Variants in PCDH19 observed in about 807,000 individuals in gnomAD.
The protein encoded by PCDH19 is protocadherin-19.
PCDH19 carries 6 observed loss-of-function variants against 46.2 expected under a neutral mutation model. That is an observed-to-expected ratio of 0.13 (90% CI 0.07 to 0.26). PCDH19 has a LOEUF of 0.26. Among genes scored for constraint, PCDH19 ranks in the 10% least tolerant of loss-of-function variants. The pLI, the probability that PCDH19 is intolerant of heterozygous loss-of-function variation, is 1.00. For missense variants in PCDH19, 740 were observed against 972.3 expected, an observed-to-expected ratio of 0.76 and a Z score of 3.18; for synonymous variants, 481 against 415.7, an observed-to-expected ratio of 1.16 and a Z score of -1.91.
chrX:100,325,663 C>T (rs1412399193), intron 5 of PCDH19, among the ~76,000 whole-genome samples: 12 of 112,157 alleles, frequency 1.1e-4, no homozygotes, highest in Non-Finnish European at 2.1e-4. Context: ...CCACCGCGCC[C>T]GGCCAGGACT....
intron 5 of PCDH19, among the ~76,000 whole-genome samples, chrX:100,333,183 G>GAGAGAGAAAGAAAGAAAGAA (rs1489789460): frequency 2.3e-5 from 1 of 43,469 alleles, no homozygotes; most frequent in Non-Finnish European, 4.5e-5. Context: ...GGGAGAGAGA[G>GAGAGAGAAAGAAAGAAAGAA]AGAAAGAAAG....
At chrX:100,326,423 C>A (rs913943602) in intron 5 of PCDH19, among the ~76,000 whole-genome samples, 2 of 111,457 alleles carry the variant, frequency 1.8e-5, no homozygotes, top group African/African-American at 6.5e-5. Context: ...AAAAATGCAT[C>A]CCCTCATTTA....
intron 3 of PCDH19, among the ~76,000 whole-genome samples, chrX:100,353,459 T>C (rs184531520): frequency 8.1e-4 from 91 of 112,009 alleles, no homozygotes; most frequent in African/African-American, 2.8e-3. Context: ...CCTCCAGGCA[T>C]GGTGCCAGAG....
intron 3 of PCDH19, among the ~76,000 whole-genome samples, chrX:100,396,851 G>T (rs1474255485): frequency 9.0e-6 from 1 of 111,729 alleles, no homozygotes; most frequent in African/African-American, 3.3e-5. Flanking sequence ...CTTGATTTTT[G>T]AAGAAAACTG....
In PCDH19 at chrX:100,404,065, G is replaced by T. The variant is rs564639278; in HGVS notation, c.2148-401C>A. On this transcript the variant is annotated intron_variant, in intron 1 of 5. Coordinates refer to ENST00000373034, the MANE Select transcript of PCDH19 (RefSeq NM_001184880.2). ...TCAAGCAGCAATTGCAGATCATCTC[G>T]CAAGTCTCATAAATGAATGCATTTC... 1.2e-4 allele frequency among the ~76,000 whole-genome samples: 13 copies of T among 111,949 alleles called. No individual in the cohort carries two copies. In the South Asian group the frequency reaches 4.2e-3, roughly 36 times the overall value.
intron 5 of PCDH19, among the ~76,000 whole-genome samples, chrX:100,330,380 T>C (rs961094386): frequency 1.8e-5 from 2 of 111,853 alleles, no homozygotes; most frequent in African/African-American, 6.5e-5. Flanking sequence ...AAGTTAAGGA[T>C]AGAAAAGGAG....
intron 3 of PCDH19, among the ~76,000 whole-genome samples, chrX:100,401,970 T>A (rs1398606729): frequency 8.9e-6 from 1 of 112,371 alleles, no homozygotes; most frequent in African/African-American, 3.2e-5. Context: ...CTAGAACTGC[T>A]AAGAAATGGC....
rs1420058430 is a variant in PCDH19, at chrX:100,294,064, T to C, written c.*2213A>G. On this transcript the variant is annotated 3_prime_UTR_variant, in exon 6 of 6. Transcript: ENST00000373034. ...GCTAATAACATAATATCAGGATGGA[T>C]CAGGGTGAGAAACAGTCTAAATTCT... The C allele has an allele frequency of 1.8e-5, 2 of 111,927 alleles. No homozygotes were observed. Among genetic ancestry groups the C allele is most frequent in the Non-Finnish European group, 3.8e-5 (2 of 53,231 alleles). 9.2% of individuals were successfully genotyped at this position (111,927 alleles called of 1,213,427 possible). A position where few individuals can be genotyped will look rare whatever the true frequency, so the allele number is the denominator to read the frequency against.
chrX:100,300,392 G>A (rs1924737157), intron 5 of PCDH19, among the ~76,000 whole-genome samples: 1 of 112,039 alleles, frequency 8.9e-6, no homozygotes, highest in Admixed American at 9.5e-5. Flanking sequence ...CCATTTTGTA[G>A]CATCACAAAC....
Position 100,408,780 on chromosome X carries a change from A to G in PCDH19, c.-183T>C, listed in dbSNP as rs984644870. ...GCGGGGGACACCCGCGGCGGCTCCA[A>G]TGCTGAGGTTGCGGCGGACGCGGCG... On this transcript the variant is annotated 5_prime_UTR_variant, in exon 1 of 6. Transcript: ENST00000373034. The G allele has an allele frequency of 7.8e-4, 147 of 189,273 alleles. No individual in the cohort carries two copies. Among genetic ancestry groups the G allele is most frequent in the African/African-American group, 4.3e-3 (140 of 32,384 alleles). 15.6% of individuals were successfully genotyped at this position (189,273 alleles called of 1,213,427 possible).
chrX:100,357,610 C>T (rs1195736393), intron 3 of PCDH19, among the ~76,000 whole-genome samples: 1 of 112,053 alleles, frequency 8.9e-6, no homozygotes, highest in Non-Finnish European at 1.9e-5. Context: ...AACATTAAAT[C>T]TACATGAAGT....
At chrX:100,367,810 G>A (rs982238438) in intron 3 of PCDH19, among the ~76,000 whole-genome samples, 2 of 111,476 alleles carry the variant, frequency 1.8e-5, no homozygotes, top group African/African-American at 6.5e-5. Context: ...ATGGGAGCAC[G>A]GAGGAGAGAG....
intron 4 of PCDH19, among the ~76,000 whole-genome samples, chrX:100,349,702 C>T (rs898007250): frequency 4.4e-5 from 5 of 112,593 alleles, no homozygotes; most frequent in Non-Finnish European, 9.4e-5. Context: ...AACAAACATA[C>T]TCAGAGTTCA....
At chrX:100,384,372 CTCATT>C (rs1172536213) in intron 3 of PCDH19, among the ~76,000 whole-genome samples, 2 of 110,888 alleles carry the variant, frequency 1.8e-5, no homozygotes, top group African/African-American at 6.6e-5. Flanking sequence ...AAATTAGATA[CTCATT>C]TTCCATCTAT....
intron 3 of PCDH19, among the ~76,000 whole-genome samples, chrX:100,372,150 T>A (rs1484807582): frequency 1.8e-5 from 2 of 111,157 alleles, no homozygotes; most frequent in Non-Finnish European, 3.8e-5. Context: ...GATGGGAGAA[T>A]CCCTTGAACC....
chrX:100,343,738 A>G (rs1244638430), intron 4 of PCDH19, among the ~76,000 whole-genome samples: 1 of 111,786 alleles, frequency 8.9e-6, no homozygotes, highest in Non-Finnish European at 1.9e-5. Flanking sequence ...AGGCACACTC[A>G]AGAAAATGTG....
At chrX:100,374,948 G>GAA (rs60695158) in intron 3 of PCDH19, among the ~76,000 whole-genome samples, 27 of 105,436 alleles carry the variant, frequency 2.6e-4, no homozygotes, top group African/African-American at 6.6e-4. Flanking sequence ...CAAAAAAAAA[G>GAA]AAAAAAAAAT....
At chrX:100,400,067 AC>A (rs1388127468) in intron 3 of PCDH19, among the ~76,000 whole-genome samples, 1 of 111,518 alleles carries the variant, frequency 9.0e-6, no homozygotes, top group Non-Finnish European at 1.9e-5. Context: ...CTAAGTGATC[AC>A]CAAGTCCTCA....
At chrX:100,314,481 T>G (rs1009807579) in intron 5 of PCDH19, among the ~76,000 whole-genome samples, 5 of 112,275 alleles carry the variant, frequency 4.5e-5, no homozygotes, top group African/African-American at 1.3e-4. Flanking sequence ...CAGAAATTAC[T>G]TGGATCTGTG....
Sources: gnomAD v4.1 joint callset for allele counts (sites outside exome capture counted in the v4.1 genomes callset) on GRCh38, gnomAD v4.1.1 for gene constraint, MANE v1.5 for transcripts, NCBI Gene and HGNC (gene_info 2026-07-23, HGNC 2026-07-21) for gene names.